CBFB: variants seen among roughly 807,000 people sequenced by gnomAD.
The protein encoded by CBFB is CBF-beta.
Under a neutral mutation model 30.4 loss-of-function variants are expected in CBFB, and 9 were observed. That is an observed-to-expected ratio of 0.30 (90% confidence interval 0.18 to 0.52). CBFB has a LOEUF of 0.52. Ranked by LOEUF, CBFB falls within the 20% of genes least tolerant of loss-of-function variation. The pLI is 0.97. For missense variants in CBFB, 170 were observed against 244.0 expected (o/e 0.70, Z 2.02); for synonymous variants, 94 against 84.0 (o/e 1.12, Z -0.65).
chr16:67,069,286 C>G (rs1439337417), intron 4 of CBFB, among the ~76,000 whole-genome samples: 1 of 151,808 alleles, frequency 6.6e-6, no homozygotes, highest in Non-Finnish European at 1.5e-5. Context: ...AGGAGAATAG[C>G]TTGGACCCAG....
At chr16:67,098,205 A>G (rs1962112437) in intron 5 of CBFB, among the ~76,000 whole-genome samples, 1 of 152,080 alleles carries the variant, frequency 6.6e-6, no homozygotes, top group African/African-American at 2.4e-5. Context: ...GTGCGATCTC[A>G]GCTCACGGCA....
intron 3 of CBFB, among the ~76,000 whole-genome samples, chr16:67,049,687 A>C (rs1240291793): frequency 6.6e-6 from 1 of 151,680 alleles, no homozygotes; most frequent in African/African-American, 2.4e-5. Flanking sequence ...GGGTCTCACT[A>C]TGTTGCTTAG....
chr16:67,036,824 A>G, intron 3 of CBFB, 69 bp downstream of exon 3: 1 of 882,880 alleles, frequency 1.1e-6, no homozygotes. Flanking sequence ...GGTAATTTAC[A>G]TTTTAATAAA....
intron 3 of CBFB, 142 bp downstream of exon 3, chr16:67,036,897 G>A (rs1567604180): frequency 1.7e-6 from 1 of 589,406 alleles, no homozygotes. Context: ...TTATAAGGAT[G>A]TAATATAATT....
intron 4 of CBFB, among the ~76,000 whole-genome samples, chr16:67,073,817 C>A (rs1961307180): frequency 1.3e-5 from 2 of 151,498 alleles, no homozygotes; most frequent in Non-Finnish European, 2.9e-5. Context: ...GGGCAAATCA[C>A]CTGAGGTAAG....
chr16:67,045,839 A>C (rs1966618092), intron 3 of CBFB, among the ~76,000 whole-genome samples: 1 of 146,166 alleles, frequency 6.8e-6, no homozygotes, highest in Non-Finnish European at 1.5e-5. Context: ...TCTGTCATCC[A>C]GGCTGGAGTG....
At chr16:67,032,817 C>G (rs758118106) in intron 2 of CBFB, among the ~76,000 whole-genome samples, 1 of 152,238 alleles carries the variant, frequency 6.6e-6, no homozygotes, top group Non-Finnish European at 1.5e-5. Flanking sequence ...GTTCTCAAAA[C>G]TATTCCCAAC....
At chr16:67,053,637 G>T (rs890944022) in intron 3 of CBFB, among the ~76,000 whole-genome samples, 1 of 151,840 alleles carries the variant, frequency 6.6e-6, no homozygotes, top group African/African-American at 2.4e-5. Flanking sequence ...GCTTCCCTGT[G>T]AATTTTTAGA....
At chr16:67,048,955 G>C (rs1294769234) in intron 3 of CBFB, among the ~76,000 whole-genome samples, 5 of 151,470 alleles carry the variant, frequency 3.3e-5, no homozygotes, top group Non-Finnish European at 7.4e-5. Context: ...GAGTAGCTGG[G>C]ATTACAGGCA....
chr16:67,030,840 C>G (rs950765754), intron 2 of CBFB, among the ~76,000 whole-genome samples: 1 of 152,182 alleles, frequency 6.6e-6, no homozygotes, highest in African/African-American at 2.4e-5. Flanking sequence ...GTGATCCGCC[C>G]TCCTCGACCT....
chr16:67,040,216 CAAAG>C, intron 3 of CBFB, among the ~76,000 whole-genome samples: 1 of 152,280 alleles, frequency 6.6e-6, no homozygotes, highest in East Asian at 1.9e-4. Context: ...GGACTGGAAG[CAAAG>C]AAAATTGAAG....
chr16:67,057,451 G>A (rs1960764100), intron 3 of CBFB, among the ~76,000 whole-genome samples: 2 of 151,972 alleles, frequency 1.3e-5, no homozygotes, highest in African/African-American at 4.8e-5. Flanking sequence ...TTAAGTTTTA[G>A]GCTAATTCAC....
At chr16:67,083,633 T>G (rs1961633507) in intron 5 of CBFB, among the ~76,000 whole-genome samples, 1 of 152,180 alleles carries the variant, frequency 6.6e-6, no homozygotes, top group African/African-American at 2.4e-5. Flanking sequence ...TTATGTCTTG[T>G]GTTTCTTTAG....
intron 4 of CBFB, among the ~76,000 whole-genome samples, chr16:67,067,449 C>G (rs181170577): frequency 6.6e-6 from 1 of 152,242 alleles, no homozygotes; most frequent in Admixed American, 6.5e-5. Context: ...ACCCAGGAGG[C>G]AGAGATTGCG....
intron 3 of CBFB, among the ~76,000 whole-genome samples, chr16:67,059,337 C>T (rs1960822769): frequency 6.6e-6 from 1 of 152,110 alleles, no homozygotes; most frequent in Non-Finnish European, 1.5e-5. Context: ...AAAAGAAGAA[C>T]ATTTACCATC....
At chr16:67,086,572 G>A (rs1961737472) in intron 5 of CBFB, among the ~76,000 whole-genome samples, 1 of 152,136 alleles carries the variant, frequency 6.6e-6, no homozygotes, top group Admixed American at 6.5e-5. Context: ...TCAAAAAACA[G>A]CCCCTATCCT....
At chr16:67,040,341 C>T (rs185551036) in intron 3 of CBFB, among the ~76,000 whole-genome samples, 4 of 152,304 alleles carry the variant, frequency 2.6e-5, no homozygotes, top group Non-Finnish European at 1.5e-5. Flanking sequence ...GCTTAGTTCT[C>T]GTCCTGTTCA....
At chr16:67,080,597 C>G (rs1961528797) in intron 4 of CBFB, among the ~76,000 whole-genome samples, 2 of 152,130 alleles carry the variant, frequency 1.3e-5, no homozygotes, top group African/African-American at 4.8e-5. Context: ...AGGTGCAGAT[C>G]TTTAGCCACT....
At chr16:67,085,132 A>G (rs192468156) in intron 5 of CBFB, among the ~76,000 whole-genome samples, 1 of 151,626 alleles carries the variant, frequency 6.6e-6, no homozygotes, top group African/African-American at 2.4e-5. Flanking sequence ...TGGTTAGTGT[A>G]TGAAATAAAT....
Sources: allele counts gnomAD v4.1 joint callset (sites outside exome capture counted in the v4.1 genomes callset), GRCh38; gene constraint gnomAD v4.1.1; transcripts MANE v1.5; gene names NCBI Gene and HGNC (gene_info 2026-07-23, HGNC 2026-07-21).